Variants in PRDM16 observed in about 807,000 individuals in gnomAD.
PRDM16 encodes histone-lysine N-methyltransferase PRDM16.
PRDM16 carries 23 observed loss-of-function variants against 110.6 expected under a neutral mutation model. The ratio of observed to expected loss-of-function variants is 0.21; its 90% CI spans 0.15 to 0.29. The LOEUF is 0.29. Ranked by LOEUF, PRDM16 falls within the 10% of genes least tolerant of loss-of-function variation. PRDM16 has a pLI of 1.00. For synonymous variants in PRDM16, 799 were observed against 781.8 expected, an observed-to-expected ratio of 1.02 and a Z score of -0.37; for missense variants, 1,615 against 1,794.3, an observed-to-expected ratio of 0.90 and a Z score of 1.81.
In PRDM16 at chr1:3,143,026, G is replaced by C. The variant is rs1033687349; in HGVS notation, c.38-43099G>C. Among the ~76,000 whole-genome samples, 6 of 152,238 alleles carry C rather than the reference G, an allele frequency of 3.9e-5. No homozygotes were observed. The highest frequency in any genetic ancestry group is 1.4e-4 in the African/African-American group (6 of 41,466). On this transcript the variant is annotated intron_variant, in intron 1 of 16. Coordinates refer to ENST00000270722, the MANE Select transcript of PRDM16 (RefSeq NM_022114.4). The surrounding 1 kb of genome is among the most constrained non-coding windows in gnomAD (Gnocchi z 4.5). The stretch of plus-strand genomic sequence containing the variant: ...TTTGCTGGGATGCAGGATTCGGGCT[G>C]TGTTGCTGATGAGATCACATAGGGG...
At chr1:3,427,299 A>T (rs980266063) in intron 14 of PRDM16, among the ~76,000 whole-genome samples, 1 of 152,178 alleles carries the variant, frequency 6.6e-6, no homozygotes, top group Non-Finnish European at 1.5e-5. Context: ...AGGTGTTCCA[A>T]ACTCCAAGAG....
intron 3 of PRDM16, among the ~76,000 whole-genome samples, chr1:3,284,115 G>A (rs530358426): frequency 7.2e-5 from 11 of 152,184 alleles, no homozygotes; most frequent in Admixed American, 7.2e-4. Flanking sequence ...CCCGCCACCC[G>A]CCACCCGTAG....
At chr1:3,071,985 C>T (rs72846020) in intron 1 of PRDM16, among the ~76,000 whole-genome samples, 5,100 of 152,258 alleles carry the variant, frequency 0.033, 266 homozygotes, top group African/African-American at 0.12. Flanking sequence ...GGGGGTGACC[C>T]GGGCTTCCAG....
chr1:3,374,437 C>T (rs1343753949), intron 3 of PRDM16, among the ~76,000 whole-genome samples: 2 of 152,228 alleles, frequency 1.3e-5, no homozygotes, highest in Non-Finnish European at 2.9e-5. Context: ...AAGCTACTCC[C>T]AACACGTATG....
chr1:3,426,046 C>T lies in PRDM16; in HGVS notation c.3110-5C>T, dbSNP rs377426436. ...CCGCCCCCTGATGCTCCCGCCCCTC[C>T]GCAGTGAGCCAGCACCCCGGGGTCC... On this transcript the variant is annotated splice_region_variant and splice_polypyrimidine_tract_variant and intron_variant, in intron 13 of 16. Coordinates refer to ENST00000270722, the MANE Select transcript of PRDM16 (RefSeq NM_022114.4). 3.2e-5 allele frequency: 52 copies of T among 1,610,840 alleles called. No individual in the cohort carries two copies. Among genetic ancestry groups the T allele is most frequent in the Middle Eastern group, 1.7e-4 (1 of 5,726 alleles).
At chr1:3,178,589 C>T (rs568035685) in intron 1 of PRDM16, among the ~76,000 whole-genome samples, 5 of 152,316 alleles carry the variant, frequency 3.3e-5, no homozygotes, top group Admixed American at 3.3e-4. Context: ...TTTCAGTCCA[C>T]ATTTTCAGAG....
At chr1:3,361,783 G>C (rs1642718010) in intron 3 of PRDM16, among the ~76,000 whole-genome samples, 1 of 151,902 alleles carries the variant, frequency 6.6e-6, no homozygotes, top group African/African-American at 2.4e-5. Flanking sequence ...GAGGGCAGGA[G>C]GTGAGAAGTG....
At chr1:3,110,127 GA>G (rs1642753991) in intron 1 of PRDM16, among the ~76,000 whole-genome samples, 1 of 148,136 alleles carries the variant, frequency 6.8e-6, no homozygotes, top group Non-Finnish European at 1.5e-5. Context: ...TGGGTGTGGG[GA>G]CACAGTGTCT....
At chr1:3,161,733 A>G (rs1237732058) in intron 1 of PRDM16, among the ~76,000 whole-genome samples, 1 of 152,134 alleles carries the variant, frequency 6.6e-6, no homozygotes, top group Non-Finnish European at 1.5e-5. Context: ...TTGAAATACC[A>G]GAGGTTGGTG....
At position 3,412,007 on chromosome 1, in the gene PRDM16, T is replaced by C; in HGVS notation, c.1810T>C (p.Phe604Leu). The change falls in exon 9 of 17, where the codon TTT becomes CTT. Residue 604 changes from phenylalanine (F) to leucine (L), a missense_variant. By Grantham distance (22) the Phe-to-Leu change is conservative. Coordinates refer to ENST00000270722, the MANE Select transcript of PRDM16 (RefSeq NM_022114.4). ...CAGCGACATGTCGGACGGCAGTGAC[T>C]TTGAGGACGTCAACACCACCACGGG... ...RSSDMSDGSD[F>L]EDVNTTTGTD... The C allele has an allele frequency of 1.2e-6, 2 of 1,613,600 alleles. No homozygotes were observed. The highest frequency in any genetic ancestry group is 1.7e-6 in the Non-Finnish European group (2 of 1,179,972).
rs575768475 is a variant in PRDM16 at position 3,317,745 on chromosome 1, G to A, written c.439-67407G>A. ...GCCCATGAGTGTCCCCTCCTCCTCC[G>A]GACACCACCAGCGCCGTGAGGATGC... On this transcript the variant is annotated intron_variant, in intron 3 of 16. Transcript: ENST00000270722. 1.7e-4 allele frequency among the ~76,000 whole-genome samples: 26 copies of A among 152,302 alleles called. 1 individual carries two copies. In the South Asian group the frequency reaches 5.2e-3, roughly 30 times the overall value.
In PRDM16 at chr1:3,346,206, G is replaced by A. The variant is rs1642359912; in HGVS notation, c.439-38946G>A. 2.0e-5 allele frequency among the ~76,000 whole-genome samples: 3 copies of A among 151,946 alleles called. No individual in the cohort carries two copies. The South Asian group carries it at 6.2e-4, about 31-fold the overall frequency. On this transcript the variant is annotated intron_variant, in intron 3 of 16. Transcript: ENST00000270722. The stretch of plus-strand genomic sequence containing the variant: ...GTTGGATATGGAAACTGTTTATCAG[G>A]CTTCCTTTTTTGTTTCTCCCGTTGG...
intron 3 of PRDM16, among the ~76,000 whole-genome samples, chr1:3,332,390 G>A (rs543246989): frequency 9.3e-4 from 142 of 152,188 alleles, no homozygotes; most frequent in African/African-American, 3.2e-3. Context: ...GGGTGGTGTG[G>A]GCAGTGGGGG....
At chr1:3,384,760 G>A (rs993636570) in intron 3 of PRDM16, among the ~76,000 whole-genome samples, 1 of 152,180 alleles carries the variant, frequency 6.6e-6, no homozygotes, top group South Asian at 2.1e-4. Context: ...TTTCTCTAGC[G>A]CAGCGTCCCA....
intron 2 of PRDM16, among the ~76,000 whole-genome samples, chr1:3,221,117 T>C (rs1344141065): frequency 6.6e-6 from 1 of 152,216 alleles, no homozygotes; most frequent in Non-Finnish European, 1.5e-5. Flanking sequence ...ATGCCGACAC[T>C]GGCTTAGGGC....
At chr1:3,132,134 A>G (rs193177936) in intron 1 of PRDM16, among the ~76,000 whole-genome samples, 6 of 152,286 alleles carry the variant, frequency 3.9e-5, no homozygotes, top group Admixed American at 3.9e-4. Context: ...AGACGTATTT[A>G]TCTGAGTTTG....
chr1:3,293,829 C>A (rs1641029685), intron 3 of PRDM16, among the ~76,000 whole-genome samples: 1 of 152,316 alleles, frequency 6.6e-6, no homozygotes, highest in Non-Finnish European at 1.5e-5. Context: ...TCCTGGTGAA[C>A]GTTGCCCCTT....
chr1:3,426,014 C>T (rs767899666), intron 13 of PRDM16, 37 bp from the exon 14 acceptor site: 13 of 1,587,862 alleles, frequency 8.2e-6, no homozygotes, highest in African/African-American at 4.0e-5. Flanking sequence ...AGGGGTCCAG[C>T]GAGAGGCCGC....
intron 1 of PRDM16, among the ~76,000 whole-genome samples, chr1:3,117,072 G>A (rs1642979051): frequency 6.6e-6 from 1 of 152,246 alleles, no homozygotes; most frequent in Admixed American, 6.5e-5. Flanking sequence ...GGAAGGGCTA[G>A]AGCAAGGGGC....
Sources: allele counts gnomAD v4.1 joint callset (sites outside exome capture counted in the v4.1 genomes callset), GRCh38; gene constraint gnomAD v4.1.1; non-coding constraint Gnocchi (gnomAD v3.1); transcripts MANE v1.5; gene names NCBI Gene and HGNC (gene_info 2026-07-23, HGNC 2026-07-21).